UBXN10: variants seen among roughly 807,000 people sequenced by gnomAD.
The protein encoded by UBXN10 is UBX domain-containing protein 10.
Under a neutral mutation model 6.9 loss-of-function variants are expected in UBXN10, and 6 were observed. That is an observed-to-expected ratio of 0.87 (90% CI 0.48 to 1.72). UBXN10 has a LOEUF of 1.72. Among genes scored for constraint, UBXN10 ranks in the 40% most tolerant of loss-of-function variants. UBXN10 has a pLI of 0.01. For missense variants in UBXN10, 317 were observed against 348.4 expected (o/e 0.91, Z 0.72); for synonymous variants, 131 against 135.2 (o/e 0.97, Z 0.21).
At chr1:20,185,928 GGCAATCCACTCCAGGCTC>G (rs1219912522), upstream of UBXN10, among the ~76,000 whole-genome samples, 1 of 152,208 alleles carries the variant, frequency 6.6e-6, no homozygotes, top group African/African-American at 2.4e-5. Flanking sequence ...CTCCAGGCCA[GGCAATCCACTCCAGGCTC>G]GCAATCCACC....
Position 20,195,115 on chromosome 1 carries a change from G to A in UBXN10, c.*3711G>A, listed in dbSNP as rs1000876372. The A allele has an allele frequency of 6.0e-6, 1 of 167,090 alleles. No homozygotes were observed. The highest frequency in any genetic ancestry group is 1.5e-5 in the Non-Finnish European group (1 of 68,138). The allele number at this position is 167,090 out of a possible 1,614,324, so 10.4% of individuals were successfully genotyped here. ...TTTATTTTTTGTCTACACGGGTGGCGTGCCACTTTCCTTTCCTGATTAGGG... is the reference window on the plus strand; with the variant it reads ...TTTATTTTTTGTCTACACGGGTGGCATGCCACTTTCCTTTCCTGATTAGGG... On this transcript the variant is annotated 3_prime_UTR_variant, in exon 2 of 2. Coordinates refer to ENST00000375099, the MANE Select transcript of UBXN10 (RefSeq NM_152376.5).
intron 1 of UBXN10, among the ~76,000 whole-genome samples, chr1:20,188,417 T>C (rs553941304): frequency 3.3e-5 from 5 of 152,090 alleles, no homozygotes; most frequent in Non-Finnish European, 4.4e-5. Flanking sequence ...CAGGAAGATA[T>C]AGGGATAATG....
intron 1 of UBXN10, among the ~76,000 whole-genome samples, chr1:20,188,365 A>G (rs1435065807): frequency 6.6e-6 from 1 of 152,176 alleles, no homozygotes; most frequent in Non-Finnish European, 1.5e-5. Flanking sequence ...AGGCCTTTAA[A>G]AGAGGGTAGC....
upstream of UBXN10, among the ~76,000 whole-genome samples, chr1:20,184,018 G>A (rs2018319596): frequency 6.6e-6 from 1 of 152,210 alleles, no homozygotes; most frequent in Non-Finnish European, 1.5e-5. Flanking sequence ...AGGCAGCAGA[G>A]GCACAGCAAT....
chr1:20,187,567 C>G lies in UBXN10; in HGVS notation c.-16+1414C>G, dbSNP rs2018420884. Reference sequence around the variant, plus strand: ...TGTTCCCTCCGTGTAACAGATGGTCCCTGTGCTCGGGAGGAGGCAGTGGGT... The same window carrying G: ...TGTTCCCTCCGTGTAACAGATGGTCGCTGTGCTCGGGAGGAGGCAGTGGGT... On this transcript the variant is annotated intron_variant, in intron 1 of 1. Transcript: ENST00000375099. This position sits in a 1 kb window ranked among gnomAD's most constrained non-coding sequence, Gnocchi z 4.6. Among the ~76,000 whole-genome samples, 1 of 152,124 alleles carries G rather than the reference C, an allele frequency of 6.6e-6. No individual in the cohort carries two copies. The highest frequency in any genetic ancestry group is 1.5e-5 in the Non-Finnish European group (1 of 68,024).
rs147774058 is a variant in UBXN10 at position 20,190,998 on chromosome 1, G to A, written c.437G>A (p.Arg146Gln). The A allele has an allele frequency of 4.7e-5, 76 of 1,614,082 alleles. No individual in the cohort carries two copies. The Middle Eastern group carries it at 1.3e-3, about 28-fold the overall frequency. The stretch of plus-strand genomic sequence containing the variant: ...AGCTCACTGCAACTGAGCAGTATCC[G>A]GGCTCTTTACCAAGACGAGACGGGC... ...KASSLQLSSI[R>Q]ALYQDETGTM... is the part of the protein sequence containing the mutation. Residue 146 changes from arginine to glutamine, a missense_variant, in exon 2 of 2, where the codon CGG becomes CAG. Physicochemically the swap from Arg to Gln is conservative, Grantham distance 43. Coordinates refer to ENST00000375099, the MANE Select transcript of UBXN10 (RefSeq NM_152376.5).
chr1:20,192,645 G>A lies in UBXN10; in HGVS notation c.*1241G>A, dbSNP rs1230145706. 6.0e-6 allele frequency: 1 copy of A among 167,002 alleles called. No individual in the cohort carries two copies. Among genetic ancestry groups the A allele is most frequent in the African/African-American group, 2.4e-5 (1 of 41,426 alleles). The allele number at this position is 167,002 out of a possible 1,614,324, so 10.3% of individuals were successfully genotyped here. On this transcript the variant is annotated 3_prime_UTR_variant, in exon 2 of 2. Transcript: ENST00000375099. ...ATGGCCAAATCATCCTTCAGAGTAG[G>A]GAACACTCAGACATTCTGTGCATGT...
rs934489289 is a variant in UBXN10 at position 20,195,529 on chromosome 1, A to G, written c.*4125A>G. ...ATAATCCATTTTCTTAAGGAGAAAA[A>G]AAAGGATAGTTTGACAAGTTGGGAT... On this transcript the variant is annotated 3_prime_UTR_variant, in exon 2 of 2. Transcript: ENST00000375099. 6.0e-6 allele frequency: 1 copy of G among 167,140 alleles called. No individual in the cohort carries two copies. Among genetic ancestry groups the G allele is most frequent in the African/African-American group, 2.4e-5 (1 of 41,474 alleles). 10.4% of individuals were successfully genotyped at this position (167,140 alleles called of 1,614,324 possible). A position where few individuals can be genotyped will look rare whatever the true frequency, so the allele number is the denominator to read the frequency against.
rs908570243 is a variant in UBXN10 at position 20,187,231 on chromosome 1, C to G, written c.-16+1078C>G. Among the ~76,000 whole-genome samples the G allele has an allele frequency of 2.6e-5, 4 of 152,240 alleles. No individual in the cohort carries two copies. Among genetic ancestry groups the G allele is most frequent in the African/African-American group, 9.6e-5 (4 of 41,464 alleles). The stretch of plus-strand genomic sequence containing the variant: ...AGTTGGCAGTGTTTGCTTCCTGACT[C>G]CTAGCAGGCCGCTGGGGTGCAGCTA... On this transcript the variant is annotated intron_variant, in intron 1 of 1. Transcript: ENST00000375099. This position sits in a 1 kb window ranked among gnomAD's most constrained non-coding sequence, Gnocchi z 4.6.
upstream of UBXN10, among the ~76,000 whole-genome samples, chr1:20,185,866 G>A (rs935838284): frequency 2.0e-5 from 3 of 152,222 alleles, no homozygotes; most frequent in Non-Finnish European, 4.4e-5. Context: ...GAGAAACAGA[G>A]GCGGTGACGC....
chr1:20,186,330 C>T (rs1011313105), intron 1 of UBXN10, 177 bp downstream of exon 1: 1 of 152,262 alleles, frequency 6.6e-6, no homozygotes. Context: ...AGTCTGCTCC[C>T]GAGGCAAAGC....
chr1:20,185,274 G>A (rs1168464020), upstream of UBXN10, among the ~76,000 whole-genome samples: 2 of 152,228 alleles, frequency 1.3e-5, no homozygotes, highest in East Asian at 1.9e-4. Context: ...GGCTGGCCAA[G>A]ACTTCTTCAA....
In UBXN10 at chr1:20,190,609, T is replaced by C; in HGVS notation, c.48T>C (p.Thr16=). 1 of 1,614,174 alleles carries C rather than the reference T, an allele frequency of 6.2e-7. No individual in the cohort carries two copies. Among genetic ancestry groups the C allele is most frequent in the Non-Finnish European group, 8.5e-7 (1 of 1,180,040 alleles). ...ATATAGCACCACCTGAGTGTAGCAC[T>C]GTTGTCAGCACAGCAGTTGACAGCC... The part of the protein sequence containing the change: ...PVNIAPPECS[T]VVSTAVDSLI... Residue 16 remains threonine (T), a synonymous_variant, in exon 2 of 2, where the codon ACT becomes ACC. Transcript: ENST00000375099.
chr1:20,184,459 CT>C (rs1374300413), upstream of UBXN10: 1 of 152,268 alleles, frequency 6.6e-6, no homozygotes, highest in East Asian at 1.9e-4. Context: ...GCCACAGAGG[CT>C]TCCTGGATGA....
Position 20,191,017 on chromosome 1 carries a change from G to A in UBXN10, c.456G>A (p.Glu152=). ...GTATCCGGGCTCTTTACCAAGACGAGACGGGCACCATGAAGACAAGTGAAG... is the reference window on the plus strand; with the variant it reads ...GTATCCGGGCTCTTTACCAAGACGAAACGGGCACCATGAAGACAAGTGAAG... ...LSSIRALYQD[E]TGTMKTSEED... The change falls in exon 2 of 2, where the codon GAG becomes GAA. Residue 152 remains glutamate (E), a synonymous_variant. Coordinates refer to ENST00000375099, the MANE Select transcript of UBXN10 (RefSeq NM_152376.5). This position sits in a 1 kb window ranked among gnomAD's most constrained non-coding sequence, Gnocchi z 4.5. 6.2e-7 allele frequency: 1 copy of A among 1,614,206 alleles called. No individual in the cohort carries two copies. The highest frequency in any genetic ancestry group is 1.1e-5 in the South Asian group (1 of 91,084).
rs1409189557 is a variant in UBXN10, at chr1:20,191,214, C to T, written c.653C>T (p.Thr218Ile). 1 of 1,614,212 alleles carries T rather than the reference C, an allele frequency of 6.2e-7. No individual in the cohort carries two copies. Among genetic ancestry groups the T allele is most frequent in the Middle Eastern group, 1.6e-4 (1 of 6,062 alleles). ...AGGTTTGTACGCCATTTCCGGCCAA[C>T]AGATGATTTGCAAACCATTGTTGCT... ...GQRFVRHFRP[T>I]DDLQTIVAVA... is the part of the protein sequence containing the mutation. Residue 218 changes from threonine to isoleucine, a missense_variant, in exon 2 of 2, where the codon ACA (threonine) becomes ATA (isoleucine). Transcript: ENST00000375099. The surrounding 1 kb of genome is among the most constrained non-coding windows in gnomAD (Gnocchi z 4.5).
At position 20,190,871 on chromosome 1, in the gene UBXN10, C is replaced by T. The variant is rs558499361; in HGVS notation, c.310C>T (p.Pro104Ser). Residue 104 changes from proline to serine, a missense_variant, in exon 2 of 2, where the codon CCC (proline) becomes TCC (serine). Transcript: ENST00000375099. ...DEIPELQQQV[P>S]TGASSSLNKY... ...GATCCCTGAGCTGCAGCAGCAAGTA[C>T]CCACTGGGGCTTCCTCTTCTCTCAA... 1.2e-6 allele frequency: 2 copies of T among 1,614,108 alleles called. No individual in the cohort carries two copies. The highest frequency in any genetic ancestry group is 1.7e-5 in the Admixed American group (1 of 60,032).
chr1:20,183,402 G>C (rs1355614761), upstream of UBXN10, among the ~76,000 whole-genome samples: 1 of 152,220 alleles, frequency 6.6e-6, no homozygotes, highest in Non-Finnish European at 1.5e-5. Flanking sequence ...GAGGAGCTTG[G>C]GGGTGGGACT....
chr1:20,190,758 C>T lies in UBXN10; in HGVS notation c.197C>T (p.Pro66Leu), dbSNP rs138280233. Residue 66 changes from proline to leucine, a missense_variant, in exon 2 of 2, where the codon CCG becomes CTG. Pro to Leu is a moderately conservative substitution (Grantham distance 98). Transcript: ENST00000375099. ...VEVCAHHIPS[P>L]PPAIPYELPS... ...GTGTGCGCTCATCATATACCATCTC[C>T]GCCTCCAGCCATTCCCTATGAGTTG... 118 of 1,613,986 alleles carry T rather than the reference C, an allele frequency of 7.3e-5. No individual in the cohort carries two copies. Among genetic ancestry groups the T allele is most frequent in the Middle Eastern group, 1.7e-4 (1 of 6,060 alleles).
Sources: allele counts gnomAD v4.1 joint callset (sites outside exome capture counted in the v4.1 genomes callset), GRCh38; gene constraint gnomAD v4.1.1; non-coding constraint Gnocchi (gnomAD v3.1); transcripts MANE v1.5; gene names NCBI Gene and HGNC (gene_info 2026-07-23, HGNC 2026-07-21).